ARHGEF12: variants seen among roughly 807,000 people sequenced by gnomAD.
ARHGEF12 encodes KMT2A/ARHGEF12 fusion protein.
In ARHGEF12, 66 loss-of-function variants were observed where a neutral mutation model predicts 211.2. That is an observed-to-expected ratio of 0.31 (90% CI 0.26 to 0.38). ARHGEF12 has a LOEUF of 0.38. Among genes scored for constraint, ARHGEF12 ranks in the 10% least tolerant of loss-of-function variants. The pLI is 1.00. For missense variants in ARHGEF12, 1,429 were observed against 1,869.5 expected (o/e 0.76, Z 4.34); for synonymous variants, 592 against 638.4 (o/e 0.93, Z 1.09).
At chr11:120,476,621 A>T (rs758758526) in intron 33 of ARHGEF12, 40 bp from the exon 34 acceptor site, 1 of 1,523,584 alleles carries the variant, frequency 6.6e-7, no homozygotes, top group Admixed American at 1.8e-5. Flanking sequence ...TGGCCTCCCC[A>T]GGTCATAGTA....
At chr11:120,357,071 C>T (rs932364444) in intron 1 of ARHGEF12, among the ~76,000 whole-genome samples, 1 of 151,932 alleles carries the variant, frequency 6.6e-6, no homozygotes, top group Non-Finnish European at 1.5e-5. Context: ...GTTGCCCAGG[C>T]TGGAGTGCAG....
chr11:120,356,336 T>C (rs1272402310), intron 1 of ARHGEF12, among the ~76,000 whole-genome samples: 1 of 152,226 alleles, frequency 6.6e-6, no homozygotes, highest in East Asian at 1.9e-4. Flanking sequence ...TTCTTGTGGC[T>C]GAGCCACCCA....
chr11:120,453,892 A>T (rs1398878939), intron 22 of ARHGEF12, among the ~76,000 whole-genome samples: 1 of 152,352 alleles, frequency 6.6e-6, no homozygotes, highest in Middle Eastern at 3.4e-3. Flanking sequence ...AGCAAAAATG[A>T]TGAACTAATT....
chr11:120,446,347 A>G lies in ARHGEF12; in HGVS notation c.1346-56A>G, dbSNP rs187726224. The G allele has an allele frequency of 1.1e-4, 156 of 1,396,086 alleles. No individual in the cohort carries two copies. In the African/African-American group the frequency reaches 2.1e-3, roughly 19 times the overall value. The allele number at this position is 1,396,086 out of a possible 1,614,324, so 86.5% of individuals were successfully genotyped here. A position where few individuals can be genotyped will look rare whatever the true frequency, so the allele number is the denominator to read the frequency against. On this transcript the variant is annotated intron_variant, in intron 16 of 40. Coordinates refer to ENST00000397843, the MANE Select transcript of ARHGEF12 (RefSeq NM_015313.3). ...ACGAAGTAGCATTGCTATGTTGCCAATTGTATGTTGCCCAGAACATACCTT... is the reference window on the plus strand; with the variant it reads ...ACGAAGTAGCATTGCTATGTTGCCAGTTGTATGTTGCCCAGAACATACCTT...
intron 27 of ARHGEF12, among the ~76,000 whole-genome samples, chr11:120,462,178 C>T (rs1946555225): frequency 6.6e-6 from 1 of 152,180 alleles, no homozygotes; most frequent in African/African-American, 2.4e-5. Context: ...TGTGACTCCT[C>T]ACTTGAACCC....
intron 10 of ARHGEF12, 77 bp downstream of exon 10, chr11:120,429,908 A>C: frequency 1.3e-6 from 2 of 1,513,682 alleles, no homozygotes; most frequent in Non-Finnish European, 1.8e-6. Context: ...AGAATGTTGC[A>C]GTTGCCTTTT....
In ARHGEF12 at chr11:120,371,304, C is replaced by T. The variant is rs553727814; in HGVS notation, c.32+34029C>T. ...GGGAGTTTGAGACCAGCCTGACCAA[C>T]ATGGAGAAACCCTGTCTCTCCTAAA... On this transcript the variant is annotated intron_variant, in intron 1 of 40. Transcript: ENST00000397843. Among the ~76,000 whole-genome samples, 110 of 152,326 alleles carry T rather than the reference C, an allele frequency of 7.2e-4. 1 individual carries two copies. Among genetic ancestry groups the T allele is most frequent in the Non-Finnish European group, 7.3e-5 (5 of 68,032 alleles).
At chr11:120,445,339 A>C in intron 15 of ARHGEF12, 83 bp from the exon 16 acceptor site, 2 of 1,380,002 alleles carry the variant, frequency 1.4e-6, no homozygotes, top group Non-Finnish European at 2.1e-6. Context: ...TCCAAGTTGT[A>C]TCCCCTTACT....
intron 1 of ARHGEF12, among the ~76,000 whole-genome samples, chr11:120,345,496 G>T (rs997718138): frequency 4.6e-5 from 7 of 152,142 alleles, no homozygotes; most frequent in Non-Finnish European, 5.9e-5. Flanking sequence ...GAGGTCAGGA[G>T]ATCAAGACCA....
chr11:120,445,956 C>T (rs1946032632), intron 16 of ARHGEF12, among the ~76,000 whole-genome samples: 1 of 151,870 alleles, frequency 6.6e-6, no homozygotes, highest in Non-Finnish European at 1.5e-5. Flanking sequence ...ACTCCCAGCA[C>T]TTTGGGAGGC....
chr11:120,479,856 C>G, intron 37 of ARHGEF12, 104 bp from the exon 38 acceptor site: 1 of 896,824 alleles, frequency 1.1e-6, no homozygotes, highest in South Asian at 1.7e-5. Flanking sequence ...TTAAAAGATA[C>G]TTTTTAAAGA....
At chr11:120,397,114 T>A (rs867131103) in intron 1 of ARHGEF12, among the ~76,000 whole-genome samples, 1 of 152,228 alleles carries the variant, frequency 6.6e-6, no homozygotes, top group Non-Finnish European at 1.5e-5. Flanking sequence ...ATAATTGCTA[T>A]TATGTGTATC....
In ARHGEF12 at chr11:120,460,753, C is replaced by T. The variant is rs762314593; in HGVS notation, c.2609C>T (p.Thr870Ile). The T allele has an allele frequency of 1.2e-6, 2 of 1,612,858 alleles. No homozygotes were observed. Among genetic ancestry groups the T allele is most frequent in the Non-Finnish European group, 1.7e-6 (2 of 1,179,092 alleles). Residue 870 changes from threonine to isoleucine, a missense_variant, in exon 27 of 41, where the codon ACA (threonine) becomes ATA (isoleucine). Thr to Ile is a moderately conservative substitution (Grantham distance 89). Around this residue, in one of 7 missense-constraint regions of ARHGEF12, gnomAD observed 223 missense variants for 444.6 expected, o/e 0.50. Coordinates refer to ENST00000397843, the MANE Select transcript of ARHGEF12 (RefSeq NM_015313.3). ...VIDQIGEDLL[T>I]WFSGPGEEKL... ...GATCAGATTGGGGAAGATTTGCTGA[C>T]ATGGGTAAGGAAATTTTCTGTTTCT...
At chr11:120,472,289 T>G (rs1314752859) in intron 30 of ARHGEF12, among the ~76,000 whole-genome samples, 1 of 152,166 alleles carries the variant, frequency 6.6e-6, no homozygotes, top group Non-Finnish European at 1.5e-5. Flanking sequence ...ACAAGCATAC[T>G]TATATATACA....
At chr11:120,477,734 TAG>T in intron 36 of ARHGEF12, 1 of 482,428 alleles carries the variant, frequency 2.1e-6, no homozygotes, top group Non-Finnish European at 3.6e-6. Flanking sequence ...GGCATGGTGG[TAG>T]GTGCCTGTAA....
intron 1 of ARHGEF12, among the ~76,000 whole-genome samples, chr11:120,363,760 A>G (rs1368316562): frequency 6.6e-6 from 1 of 152,186 alleles, no homozygotes; most frequent in African/African-American, 2.4e-5. Flanking sequence ...CATGTTGATC[A>G]AGTGGAGGCT....
At position 120,360,006 on chromosome 11, in the gene ARHGEF12, G is replaced by A. The variant is rs146565123; in HGVS notation, c.32+22731G>A. On this transcript the variant is annotated intron_variant, in intron 1 of 40. Transcript: ENST00000397843. ...AATAAGACCAAGTCTCTAATAACAC[G>A]TAATACTATCTGAGGAGACAAGTTT... Among the ~76,000 whole-genome samples, 28 of 152,308 alleles carry A rather than the reference G, an allele frequency of 1.8e-4. No homozygotes were observed. The East Asian group carries it at 4.6e-3, about 25-fold the overall frequency.
chr11:120,339,203 T>TG (rs1942455287), intron 1 of ARHGEF12, among the ~76,000 whole-genome samples: 1 of 152,002 alleles, frequency 6.6e-6, no homozygotes, highest in East Asian at 1.9e-4. Flanking sequence ...GAGACCTGTT[T>TG]CGTAGGATTT....
chr11:120,359,217 G>T (rs1943213028), intron 1 of ARHGEF12, among the ~76,000 whole-genome samples: 1 of 151,968 alleles, frequency 6.6e-6, no homozygotes, highest in African/African-American at 2.4e-5. Context: ...AATACCAAGA[G>T]TCAATGGGGC....
Sources: gnomAD v4.1 joint callset for allele counts (sites outside exome capture counted in the v4.1 genomes callset) on GRCh38, gnomAD v4.1.1 for gene constraint, gnomAD v4.1.1 regional missense constraint, MANE v1.5 for transcripts, NCBI Gene and HGNC (gene_info 2026-07-23, HGNC 2026-07-21) for gene names.